The following GLRA3 variants were observed in gnomAD, a reference collection of about 807,000 sequenced individuals.
The protein encoded by GLRA3 is glycine receptor alpha 3, also known as glycine receptor subunit alpha-3.
GLRA3 carries 44 observed loss-of-function variants against 60.4 expected under a neutral mutation model. The observed-to-expected ratio is 0.73, with a 90% CI of 0.57 to 0.94. The LOEUF (loss-of-function observed/expected upper bound fraction) is 0.94. Among genes scored for constraint, GLRA3 ranks in the 40% least tolerant of loss-of-function variants. GLRA3 has a pLI of 0.00. For synonymous variants in GLRA3, 223 were observed against 192.9 expected, an observed-to-expected ratio of 1.16 and a Z score of -1.29; for missense variants, 508 against 564.6, an observed-to-expected ratio of 0.90 and a Z score of 1.02.
At chr4:174,808,139 T>C (rs1423545249) in intron 1 of GLRA3, among the ~76,000 whole-genome samples, 2 of 151,994 alleles carry the variant, frequency 1.3e-5, no homozygotes, top group Non-Finnish European at 2.9e-5. Flanking sequence ...AAAATAAATA[T>C]TTGAAAAAGC....
At chr4:174,772,468 T>A (rs547470060) in intron 2 of GLRA3, among the ~76,000 whole-genome samples, 1 of 152,022 alleles carries the variant, frequency 6.6e-6, no homozygotes, top group African/African-American at 2.4e-5. Context: ...ACTATTTACT[T>A]GTGTATATAT....
chr4:174,820,823 AC>A (rs1740714666), intron 1 of GLRA3, among the ~76,000 whole-genome samples: 1 of 152,162 alleles, frequency 6.6e-6, no homozygotes, highest in South Asian at 2.1e-4. Flanking sequence ...ATTTCCTCAC[AC>A]CCTACTGCTA....
intron 3 of GLRA3, among the ~76,000 whole-genome samples, chr4:174,751,009 A>G (rs1311541385): frequency 6.6e-6 from 1 of 152,076 alleles, no homozygotes; most frequent in Non-Finnish European, 1.5e-5. Context: ...GTTTCAAAAC[A>G]AAGTTTACCC....
rs376725255 is a variant in GLRA3 at position 174,706,086 on chromosome 4, C to G, written c.574+9402G>C. Among the ~76,000 whole-genome samples the G allele has an allele frequency of 1.1e-3, 169 of 151,878 alleles. 1 individual carries two copies. Among genetic ancestry groups the G allele is most frequent in the Non-Finnish European group, 1.9e-3 (126 of 67,938 alleles). ...CTACTAAAAAATACAAAAAATTAGC[C>G]GGGCGTGGTGGCGGGCACCTGTAGT... On this transcript the variant is annotated intron_variant, in intron 5 of 9. Transcript: ENST00000274093.
chr4:174,675,169 T>C (rs1301928552), intron 7 of GLRA3, among the ~76,000 whole-genome samples: 1 of 152,152 alleles, frequency 6.6e-6, no homozygotes, highest in Non-Finnish European at 1.5e-5. Flanking sequence ...TTAGATGTCA[T>C]TGTCTCTATG....
intron 9 of GLRA3, among the ~76,000 whole-genome samples, chr4:174,651,179 C>G (rs1489599252): frequency 6.6e-6 from 1 of 152,166 alleles, no homozygotes; most frequent in Non-Finnish European, 1.5e-5. Context: ...GCCCAAAATG[C>G]ACAACATGGC....
chr4:174,688,433 T>C (rs530149524), intron 5 of GLRA3, among the ~76,000 whole-genome samples: 7 of 149,232 alleles, frequency 4.7e-5, no homozygotes, highest in Middle Eastern at 3.5e-3. Flanking sequence ...CTTTGTCCCC[T>C]AGAATTTATT....
chr4:174,812,752 A>C (rs2111373827), intron 1 of GLRA3, among the ~76,000 whole-genome samples: 1 of 152,258 alleles, frequency 6.6e-6, no homozygotes, highest in African/African-American at 2.4e-5. Context: ...CATTATTCTT[A>C]AGACTAATAC....
At chr4:174,765,028 A>G (rs1055697243) in intron 3 of GLRA3, among the ~76,000 whole-genome samples, 4 of 152,052 alleles carry the variant, frequency 2.6e-5, no homozygotes, top group Admixed American at 1.3e-4. Context: ...TGAAGAAGTG[A>G]GTGATAGATG....
At chr4:174,768,062 A>C (rs930438139) in intron 2 of GLRA3, among the ~76,000 whole-genome samples, 1 of 152,114 alleles carries the variant, frequency 6.6e-6, no homozygotes, top group African/African-American at 2.4e-5. Flanking sequence ...GAAGTCAAAT[A>C]ATGGAAAGCT....
At chr4:174,744,794 A>T (rs1737173056) in intron 3 of GLRA3, among the ~76,000 whole-genome samples, 1 of 152,244 alleles carries the variant, frequency 6.6e-6, no homozygotes, top group African/African-American at 2.4e-5. Context: ...CCTTAGCAAC[A>T]GATCCCAACT....
At chr4:174,802,954 AATTAT>A in intron 1 of GLRA3, among the ~76,000 whole-genome samples, 1 of 152,054 alleles carries the variant, frequency 6.6e-6, no homozygotes, top group Non-Finnish European at 1.5e-5. Flanking sequence ...GCCAGTGATA[AATTAT>A]ATATCGTTTG....
chr4:174,776,844 C>T (rs1738623737), intron 2 of GLRA3, among the ~76,000 whole-genome samples: 1 of 152,144 alleles, frequency 6.6e-6, no homozygotes, highest in Admixed American at 6.5e-5. Flanking sequence ...ACGTCCACAA[C>T]TTCGCATTCA....
intron 3 of GLRA3, among the ~76,000 whole-genome samples, chr4:174,735,052 G>C (rs1417065960): frequency 6.6e-6 from 1 of 152,116 alleles, no homozygotes; most frequent in Non-Finnish European, 1.5e-5. Flanking sequence ...CTAAGGTGCT[G>C]CACAGCTGTG....
chr4:174,784,996 A>T (rs955705326), intron 2 of GLRA3, among the ~76,000 whole-genome samples: 1 of 152,148 alleles, frequency 6.6e-6, no homozygotes, highest in African/African-American at 2.4e-5. Context: ...AATTATTTTA[A>T]CTTATTTCAG....
At chr4:174,826,869 G>A (rs1285834873) in intron 1 of GLRA3, among the ~76,000 whole-genome samples, 2 of 111,258 alleles carry the variant, frequency 1.8e-5, no homozygotes, top group Admixed American at 1.9e-4. Flanking sequence ...AGTAGAGGGA[G>A]CTTCCTTTTT....
At chr4:174,687,480 A>G (rs1297891089) in intron 5 of GLRA3, among the ~76,000 whole-genome samples, 1 of 152,088 alleles carries the variant, frequency 6.6e-6, no homozygotes, top group Non-Finnish European at 1.5e-5. Flanking sequence ...GGTTTTCGTG[A>G]AATACTATTT....
In GLRA3 at chr4:174,640,084, G is replaced by C. The variant is rs1442425975; in HGVS notation, c.*3702C>G. ...CAATATTAACTAGATGAAAAATATA[G>C]GTCGTATATGCTGATAAATTTTGGG... is the stretch of plus-strand genomic sequence containing the variant. On this transcript the variant is annotated 3_prime_UTR_variant, in exon 10 of 10. Coordinates refer to ENST00000274093, the MANE Select transcript of GLRA3 (RefSeq NM_006529.4). 6.6e-6 allele frequency: 1 copy of C among 152,030 alleles called. No individual in the cohort carries two copies. The highest frequency in any genetic ancestry group is 1.5e-5 in the Non-Finnish European group (1 of 67,956). The allele number at this position is 152,030 out of a possible 1,614,324, so 9.4% of individuals were successfully genotyped here. A position where few individuals can be genotyped will look rare whatever the true frequency, so the allele number is the denominator to read the frequency against.
At chr4:174,713,424 C>T (rs1014662377) in intron 5 of GLRA3, among the ~76,000 whole-genome samples, 1 of 152,164 alleles carries the variant, frequency 6.6e-6, no homozygotes, top group African/African-American at 2.4e-5. Flanking sequence ...TTTTTCTCAT[C>T]TTTCTTTAAT....
Sources: allele counts gnomAD v4.1 joint callset (sites outside exome capture counted in the v4.1 genomes callset), GRCh38; gene constraint gnomAD v4.1.1; transcripts MANE v1.5; gene names NCBI Gene and HGNC (gene_info 2026-07-23, HGNC 2026-07-21).